SDR42E2: variants seen among roughly 807,000 people sequenced by gnomAD.
The protein encoded by SDR42E2 is short chain dehydrogenase/reductase family 42E, member 2.
SDR42E2 carries 20 observed loss-of-function variants against 10.5 expected under a neutral mutation model. That is an observed-to-expected ratio of 1.90 (90% CI 1.34 to 2.77). The LOEUF is 2.77. Among genes scored for constraint, SDR42E2 ranks in the 30% most tolerant of loss-of-function variants. The pLI is 0.00. For missense variants in SDR42E2, 162 were observed against 104.2 expected, an observed-to-expected ratio of 1.55 and a Z score of -2.42; for synonymous variants, 72 against 39.2, an observed-to-expected ratio of 1.84 and a Z score of -3.12.
chr16:22,170,805 T>C (rs1352635145), intron 5 of SDR42E2, 28 bp from the exon 6 acceptor site: 2 of 702,998 alleles, frequency 2.8e-6, no homozygotes, highest in Admixed American at 4.0e-5. Flanking sequence ...GTGTGTTTAT[T>C]TGTTGCTATG....
intron 11 of SDR42E2, among the ~76,000 whole-genome samples, chr16:22,184,726 G>A (rs904696180): frequency 1.3e-5 from 2 of 152,218 alleles, no homozygotes; most frequent in African/African-American, 4.8e-5. Context: ...GTTTGCACTT[G>A]TCTGGTGCCG....
Position 22,190,581 on chromosome 16 carries a change from G to T in SDR42E2, c.*188G>T. On this transcript the variant is annotated 3_prime_UTR_variant, in exon 13 of 13. Transcript: ENST00000602312. ...GCCCGGACCGCCGACTTCTGGCCACGCCCCTATCTACTCCCAGACCTTGCC... is the reference window on the plus strand; with the variant it reads ...GCCCGGACCGCCGACTTCTGGCCACTCCCCTATCTACTCCCAGACCTTGCC... 2.5e-6 allele frequency: 1 copy of T among 396,886 alleles called. No homozygotes were observed. The highest frequency in any genetic ancestry group is 4.4e-6 in the Non-Finnish European group (1 of 225,454). 24.6% of individuals were successfully genotyped at this position (396,886 alleles called of 1,614,324 possible).
chr16:22,163,638 C>T (rs528986654), intron 1 of SDR42E2, among the ~76,000 whole-genome samples: 3 of 152,210 alleles, frequency 2.0e-5, no homozygotes, highest in African/African-American at 4.8e-5. Context: ...ACAAGGCAGG[C>T]GGAGGTTGCA....
At chr16:22,170,528 T>C (rs952766102) in intron 5 of SDR42E2, among the ~76,000 whole-genome samples, 2 of 152,120 alleles carry the variant, frequency 1.3e-5, no homozygotes, top group Non-Finnish European at 1.5e-5. Flanking sequence ...TTCTGACCTG[T>C]CTCTGGCAAG....
At chr16:22,181,744 A>G (rs1423503586) in intron 9 of SDR42E2, 88 bp downstream of exon 9, 1 of 638,168 alleles carries the variant, frequency 1.6e-6, no homozygotes, top group Non-Finnish European at 2.8e-6. Context: ...GATGGCACAC[A>G]AGATTTCCCT....
chr16:22,162,639 G>C (rs1271365377), intron 1 of SDR42E2, among the ~76,000 whole-genome samples, 75 bp downstream of exon 1: 1 of 152,188 alleles, frequency 6.6e-6, no homozygotes, highest in African/African-American at 2.4e-5. Context: ...GAGCCAAGAG[G>C]GGAGGGGACC....
In SDR42E2 at chr16:22,164,080, G is replaced by A. The variant is rs545902638; in HGVS notation, c.-36-1467G>A. Among the ~76,000 whole-genome samples the A allele has an allele frequency of 3.7e-3, 553 of 150,688 alleles. 4 individuals carry two copies. Among genetic ancestry groups the A allele is most frequent in the Non-Finnish European group, 6.5e-3 (436 of 67,582 alleles). ...AGAGGGAGGTCGGGAGGGGGGTGGG[G>A]GGATGGACGATGGTGACAGTGACTG... On this transcript the variant is annotated intron_variant, in intron 1 of 12. Transcript: ENST00000602312.
At chr16:22,177,272 A>G (rs917139663) in intron 7 of SDR42E2, among the ~76,000 whole-genome samples, 2 of 152,144 alleles carry the variant, frequency 1.3e-5, no homozygotes, top group African/African-American at 4.8e-5. Flanking sequence ...GATATCTATT[A>G]TATAGTCCTT....
chr16:22,171,689 C>G (rs767928494), intron 6 of SDR42E2, among the ~76,000 whole-genome samples: 1 of 152,112 alleles, frequency 6.6e-6, no homozygotes, highest in Non-Finnish European at 1.5e-5. Flanking sequence ...TGCGCCACCA[C>G]GCCCAGCTAA....
At chr16:22,187,938 A>G (rs2046746804) in intron 12 of SDR42E2, among the ~76,000 whole-genome samples, 1 of 152,054 alleles carries the variant, frequency 6.6e-6, no homozygotes, top group Non-Finnish European at 1.5e-5. Flanking sequence ...TCTACTAAAA[A>G]TACAAAAATT....
In SDR42E2 at chr16:22,190,718, A is replaced by C. The variant is rs1598148663; in HGVS notation, c.*325A>C. 3.5e-6 allele frequency: 1 copy of C among 283,228 alleles called. No individual in the cohort carries two copies. The allele number at this position is 283,228 out of a possible 1,614,324, so 17.5% of individuals were successfully genotyped here. Reference sequence around the variant, plus strand: ...TCCTGGCCACGTCCCTGGTCGGCCCAGACGCGTAGCCCCGAGTCTCTTTCC... The same window carrying C: ...TCCTGGCCACGTCCCTGGTCGGCCCCGACGCGTAGCCCCGAGTCTCTTTCC... On this transcript the variant is annotated 3_prime_UTR_variant, in exon 13 of 13. Transcript: ENST00000602312.
rs1598148277 is a variant in SDR42E2 at position 22,190,234 on chromosome 16, G to T, written c.1110G>T (p.Val370=). 1.2e-5 allele frequency: 5 copies of T among 401,128 alleles called. No individual in the cohort carries two copies. The highest frequency in any genetic ancestry group is 1.8e-5 in the Non-Finnish European group (4 of 226,126). 24.8% of individuals were successfully genotyped at this position (401,128 alleles called of 1,614,324 possible). ...ATAAGTTTAGGTTCGCCGACGCCGTGGAGCTATACGTGCAGTCCACGACCC... is the reference window on the plus strand; with the variant it reads ...ATAAGTTTAGGTTCGCCGACGCCGTTGAGCTATACGTGCAGTCCACGACCC... The part of the protein sequence containing the change: ...APDKFRFADA[V]ELYVQSTTRR... The change falls in exon 13 of 13, where the codon GTG becomes GTT. Residue 370 remains valine, a synonymous_variant. Coordinates refer to ENST00000602312, the MANE Select transcript of SDR42E2 (RefSeq NM_001394319.2).
chr16:22,188,332 A>G (rs941220129), intron 12 of SDR42E2, among the ~76,000 whole-genome samples: 3 of 152,210 alleles, frequency 2.0e-5, no homozygotes, highest in Non-Finnish European at 4.4e-5. Context: ...AGAAAGAAGT[A>G]GTCACCTATG....
chr16:22,179,428 G>A (rs1315066361), intron 8 of SDR42E2, among the ~76,000 whole-genome samples: 1 of 152,128 alleles, frequency 6.6e-6, no homozygotes. Context: ...CTAGGTTTGA[G>A]GACAGATCAG....
At chr16:22,179,673 CGTG>C (rs936665050) in intron 8 of SDR42E2, among the ~76,000 whole-genome samples, 3 of 151,940 alleles carry the variant, frequency 2.0e-5, no homozygotes, top group African/African-American at 7.3e-5. Context: ...ATTAGCCAGA[CGTG>C]GTGGTGGGCA....
At chr16:22,164,861 G>A (rs1458984129) in intron 1 of SDR42E2, among the ~76,000 whole-genome samples, 1 of 152,196 alleles carries the variant, frequency 6.6e-6, no homozygotes, top group Non-Finnish European at 1.5e-5. Flanking sequence ...CCACCTCCCA[G>A]TCTGGTGAGG....
chr16:22,170,180 T>C (rs1051369949), intron 5 of SDR42E2, among the ~76,000 whole-genome samples: 3 of 149,744 alleles, frequency 2.0e-5, no homozygotes, highest in Non-Finnish European at 4.4e-5. Flanking sequence ...CACGAAGAGA[T>C]CCCATCTCTA....
intron 8 of SDR42E2, among the ~76,000 whole-genome samples, chr16:22,180,173 G>C (rs1443432070): frequency 6.6e-6 from 1 of 152,180 alleles, no homozygotes; most frequent in Admixed American, 6.6e-5. Context: ...TCAGCTTCCA[G>C]CCTAGCAGGA....
intron 10 of SDR42E2, among the ~76,000 whole-genome samples, chr16:22,183,505 C>T (rs1243606847): frequency 6.6e-6 from 1 of 152,196 alleles, no homozygotes; most frequent in Non-Finnish European, 1.5e-5. Flanking sequence ...CACACGGCAG[C>T]CCGGGAACTC....
Sources: gnomAD v4.1 joint callset for allele counts (sites outside exome capture counted in the v4.1 genomes callset) on GRCh38, gnomAD v4.1.1 for gene constraint, MANE v1.5 for transcripts, NCBI Gene and HGNC (gene_info 2026-07-23, HGNC 2026-07-21) for gene names.